Variants in C7 observed in about 807,000 individuals in gnomAD.
The protein encoded by C7 is complement component C7.
Under a neutral mutation model 104.8 loss-of-function variants are expected in C7, and 83 were observed. That is an observed-to-expected ratio of 0.79 (90% CI 0.66 to 0.95). The LOEUF (loss-of-function observed/expected upper bound fraction) is 0.95, where lower values mean the gene tolerates loss of function less well. C7 is among the 40% of genes least tolerant of loss of function. C7 has a pLI of 0.00. For synonymous variants in C7, 415 were observed against 360.6 expected (o/e 1.15, Z -1.71); for missense variants, 1,070 against 1,011.2 (o/e 1.06, Z -0.79).
At chr5:40,925,647 G>T (rs2111633594) in intron 1 of C7, among the ~76,000 whole-genome samples, 1 of 152,204 alleles carries the variant, frequency 6.6e-6, no homozygotes, top group South Asian at 2.1e-4. Context: ...AATATCTGAG[G>T]CTGGGTAATT....
chr5:40,959,230 A>G (rs1270957358), intron 11 of C7, among the ~76,000 whole-genome samples: 1 of 152,248 alleles, frequency 6.6e-6, no homozygotes, highest in Non-Finnish European at 1.5e-5. Context: ...CAAATTAAGG[A>G]TATTATTGCA....
intron 5 of C7, among the ~76,000 whole-genome samples, chr5:40,936,744 T>C (rs577940183): frequency 6.6e-6 from 1 of 152,020 alleles, no homozygotes; most frequent in Admixed American, 6.6e-5. Flanking sequence ...AAGAAACCCC[T>C]CAGGCCCAGG....
At chr5:40,972,279 C>T (rs137859673) in intron 14 of C7, 124 bp from the exon 15 acceptor site, 108 of 761,060 alleles carry the variant, frequency 1.4e-4, no homozygotes, top group East Asian at 1.3e-3. Context: ...AGTGAACTTA[C>T]GTCTTCCTCC....
At chr5:40,918,834 A>T (rs781693040) in intron 1 of C7, among the ~76,000 whole-genome samples, 1 of 152,134 alleles carries the variant, frequency 6.6e-6, no homozygotes, top group Non-Finnish European at 1.5e-5. Flanking sequence ...GACAGATTGC[A>T]ATACAATTAT....
intron 14 of C7, among the ~76,000 whole-genome samples, chr5:40,968,795 A>G (rs1740628492): frequency 6.6e-6 from 1 of 150,944 alleles, no homozygotes; most frequent in South Asian, 2.1e-4. Flanking sequence ...ACTTTTTAGT[A>G]GAGACGGGGT....
In C7 at chr5:40,958,236, AG is replaced by A. The variant is rs1203231925; in HGVS notation, c.1466del (p.Gly489GlufsTer4). ...PYTFGAACEQGVLVGNQAGGV... is the reference protein window; with the variant it reads ...PYTFGAACEQXVLVGNQAGGV... ...ACACATTTGGTGCGGCGTGTGAGCA[AG>A]GAGTCCTCGTAGGGAATCAAGCAGG... is the stretch of plus-strand genomic sequence containing the variant. On this transcript the variant is annotated frameshift_variant, in exon 11 of 18. Coordinates refer to ENST00000313164, the MANE Select transcript of C7 (RefSeq NM_000587.4). LOFTEE classifies it high-confidence loss of function. The A allele has an allele frequency of 6.2e-7, 1 of 1,609,910 alleles. No individual in the cohort carries two copies.
intron 1 of C7, among the ~76,000 whole-genome samples, chr5:40,917,918 CA>C (rs928615442): frequency 5.1e-4 from 77 of 151,926 alleles, no homozygotes; most frequent in Admixed American, 3.3e-3. Context: ...ATTCTGACAT[CA>C]AAAAAATATA....
Position 40,958,258 on chromosome 5 carries a change from G to A in C7, c.1486G>A (p.Ala496Thr). The A allele has an allele frequency of 6.3e-7, 1 of 1,594,722 alleles. No homozygotes were observed. The highest frequency in any genetic ancestry group is 1.3e-5 in the African/African-American group (1 of 74,776). The change falls in exon 11 of 18, where the codon GCA (alanine) becomes ACA (threonine). Residue 496 changes from alanine to threonine, a missense_variant. Ala to Thr is a moderately conservative substitution (Grantham distance 58). Transcript: ENST00000313164. ...GCAAGGAGTCCTCGTAGGGAATCAA[G>A]CAGGTCAGTGGGGTGAATTTTCTCT... The part of the protein sequence containing the change: ...CEQGVLVGNQ[A>T]GGVDGGWSCW...
chr5:40,919,659 A>G (rs1739398939), intron 1 of C7, among the ~76,000 whole-genome samples: 1 of 152,144 alleles, frequency 6.6e-6, no homozygotes, highest in Non-Finnish European at 1.5e-5. Context: ...ATGAATGAAT[A>G]TAGGGGGAAT....
chr5:40,972,987 T>G (rs1391012278), intron 15 of C7, among the ~76,000 whole-genome samples: 1 of 152,256 alleles, frequency 6.6e-6, no homozygotes, highest in Non-Finnish European at 1.5e-5. Context: ...TTTAAAGTTC[T>G]GTATGTTTCA....
intron 3 of C7, among the ~76,000 whole-genome samples, chr5:40,931,580 T>TG (rs1419191351): frequency 1.7e-5 from 2 of 118,090 alleles, no homozygotes; most frequent in African/African-American, 7.5e-5. Context: ...CGAACAACCA[T>TG]GAAAAAAATT....
chr5:40,976,883 T>A (rs1740831262), intron 16 of C7, 43 bp downstream of exon 16: 2 of 1,395,994 alleles, frequency 1.4e-6, no homozygotes, highest in South Asian at 2.5e-5. Context: ...ATTTTATTAA[T>A]GATAAGGGAT....
chr5:40,936,465 C>A lies in C7; in HGVS notation c.408C>A (p.Asn136Lys). The A allele has an allele frequency of 6.2e-7, 1 of 1,613,134 alleles. No homozygotes were observed. Among genetic ancestry groups the A allele is most frequent in the African/African-American group, 1.3e-5 (1 of 75,024 alleles). Residue 136 changes from asparagine (N) to lysine (K), a missense_variant, in exon 5 of 18, where the codon AAC becomes AAA. Physicochemically the swap from Asn to Lys is moderately conservative, Grantham distance 94 (BLOSUM62 0). Transcript: ENST00000313164. ...GTGATATCGATAAACCTCCTCCTAA[C>A]ATAGAACTTACTGGAAATGGGTAAG... is the stretch of plus-strand genomic sequence containing the variant. The part of the protein sequence containing the change: ...PSCDIDKPPP[N>K]IELTGNGYNE...
Position 40,947,707 on chromosome 5 carries a change from C to A in C7, c.844C>A (p.His282Asn), listed in dbSNP as rs577461467. Residue 282 changes from histidine (H) to asparagine (N), a missense_variant, in exon 8 of 18, where the codon CAC becomes AAC. Transcript: ENST00000313164. ...TGAGCCATTCTGGAAGGAGCTTTCCCACCTCCCCTCTCTGTATGACTACAG... is the reference window on the plus strand; with the variant it reads ...TGAGCCATTCTGGAAGGAGCTTTCCAACCTCCCCTCTCTGTATGACTACAG... ...LAEPFWKELS[H>N]LPSLYDYSAY... 78 of 1,613,632 alleles carry A rather than the reference C, an allele frequency of 4.8e-5. No homozygotes were observed. The highest frequency in any genetic ancestry group is 6.4e-5 in the Non-Finnish European group (76 of 1,179,778).
At chr5:40,915,510 T>C (rs971116538) in intron 1 of C7, among the ~76,000 whole-genome samples, 1 of 152,162 alleles carries the variant, frequency 6.6e-6, no homozygotes, top group Non-Finnish European at 1.5e-5. Context: ...AGCTGTGAGA[T>C]AGGCTTTCCC....
intron 14 of C7, among the ~76,000 whole-genome samples, chr5:40,966,708 C>T (rs1056962172): frequency 6.6e-6 from 1 of 152,082 alleles, no homozygotes; most frequent in Admixed American, 6.6e-5. Context: ...TGAGTTACTT[C>T]ACTTAGAATA....
intron 6 of C7, among the ~76,000 whole-genome samples, chr5:40,941,316 G>A (rs1196393254): frequency 2.6e-5 from 4 of 151,940 alleles, no homozygotes; most frequent in African/African-American, 7.3e-5. Context: ...CACCCGCCTC[G>A]GCCTCCCAAA....
intron 16 of C7, among the ~76,000 whole-genome samples, chr5:40,978,448 A>G (rs974780228): frequency 6.6e-6 from 1 of 152,128 alleles, no homozygotes; most frequent in Non-Finnish European, 1.5e-5. Context: ...CTCGTTGTTA[A>G]TAGTTATGGT....
At position 40,979,723 on chromosome 5, in the gene C7, A is replaced by G; in HGVS notation, c.2166-2A>G. 2 of 1,601,838 alleles carry G rather than the reference A, an allele frequency of 1.2e-6. No homozygotes were observed. Among genetic ancestry groups the G allele is most frequent in the South Asian group, 2.3e-5 (2 of 88,752 alleles). On this transcript the variant is annotated splice_acceptor_variant, in intron 16 of 17. Coordinates refer to ENST00000313164, the MANE Select transcript of C7 (RefSeq NM_000587.4). LOFTEE classifies it high-confidence loss of function. ...AATAATGTCATTAAAAATTCTTTTCAGACCTTCCTTGGATGTATGTGCTCA... is the reference window on the plus strand; with the variant it reads ...AATAATGTCATTAAAAATTCTTTTCGGACCTTCCTTGGATGTATGTGCTCA...
Sources: gnomAD v4.1 joint callset for allele counts (sites outside exome capture counted in the v4.1 genomes callset) on GRCh38, gnomAD v4.1.1 for gene constraint, MANE v1.5 for transcripts, NCBI Gene and HGNC (gene_info 2026-07-23, HGNC 2026-07-21) for gene names.